NUTM1: variants seen among roughly 807,000 people sequenced by gnomAD.
NUTM1 encodes NUT family member 1.
Under a neutral mutation model 88.7 loss-of-function variants are expected in NUTM1, and 39 were observed. The ratio of observed to expected loss-of-function variants is 0.44; its 90% confidence interval spans 0.34 to 0.57. NUTM1 has a LOEUF of 0.57. Among genes scored for constraint, NUTM1 ranks in the 20% least tolerant of loss-of-function variants. The pLI is 0.01. For missense variants in NUTM1, 1,350 were observed against 1,414.5 expected (o/e 0.95, Z 0.73); for synonymous variants, 494 against 538.0 (o/e 0.92, Z 1.13).
Position 34,356,115 on chromosome 15 carries a change from G to A in NUTM1, c.2107G>A (p.Glu703Lys), listed in dbSNP as rs1429522873. 3.1e-5 allele frequency: 50 copies of A among 1,613,410 alleles called. No individual in the cohort carries two copies. Among genetic ancestry groups the A allele is most frequent in the Non-Finnish European group, 4.2e-5 (50 of 1,179,566 alleles). ...TCGTGGAGTGCTTCCTCAAGGGAAG[G>A]AGCCTTTAGCAGTGCCCTGGGAAGG... is the stretch of plus-strand genomic sequence containing the variant. ...GGRGVLPQGK[E>K]PLAVPWEGSS... Residue 703 changes from glutamate to lysine, a missense_variant, in exon 8 of 8, where the codon GAG becomes AAG. Transcript: ENST00000537011.
At chr15:34,351,872 T>TAAAA (rs11407280) in intron 4 of NUTM1, among the ~76,000 whole-genome samples, 3 of 138,356 alleles carry the variant, frequency 2.2e-5, no homozygotes, top group Non-Finnish European at 3.1e-5. Context: ...TATCTTTGAT[T>TAAAA]AAAAAAAAAA....
chr15:34,346,269 T>C (rs1175653178), intron 2 of NUTM1, among the ~76,000 whole-genome samples: 1 of 152,102 alleles, frequency 6.6e-6, no homozygotes, highest in Non-Finnish European at 1.5e-5. Flanking sequence ...AGAGAAAGGA[T>C]GGCAATTAGC....
Position 34,357,107 on chromosome 15 carries a change from A to G in NUTM1, c.3099A>G (p.Lys1033=), listed in dbSNP as rs776023483. The change falls in exon 8 of 8, where the codon AAA becomes AAG. Residue 1033 remains lysine (K), a synonymous_variant. Transcript: ENST00000537011. ...RSADRAKGKE[K]KKKEAEEEDE... ...CAGACAGGGCCAAAGGAAAGGAGAA[A>G]AAGAAAAAGGAAGCAGAGGAAGAGG... The G allele has an allele frequency of 1.2e-6, 2 of 1,614,144 alleles. No homozygotes were observed. The highest frequency in any genetic ancestry group is 1.7e-6 in the Non-Finnish European group (2 of 1,180,006).
chr15:34,351,523 C>T (rs963618868), intron 4 of NUTM1, among the ~76,000 whole-genome samples: 3 of 152,068 alleles, frequency 2.0e-5, no homozygotes, highest in Non-Finnish European at 2.9e-5. Context: ...TGAAAGCTCC[C>T]CCCTCACCAG....
In NUTM1 at chr15:34,357,610, G is replaced by A; in HGVS notation, c.*119G>A. ...CAATGTTGAATCTCATCCCAATGTT[G>A]TTTTGTTGTTCTGCAAAAGTGGCAA... On this transcript the variant is annotated 3_prime_UTR_variant, in exon 8 of 8. Transcript: ENST00000537011. 6.3e-7 allele frequency: 1 copy of A among 1,584,288 alleles called. No homozygotes were observed. Among genetic ancestry groups the A allele is most frequent in the Non-Finnish European group, 8.6e-7 (1 of 1,165,536 alleles).
rs1352165461 is a variant in NUTM1, at chr15:34,348,034, C to T, written c.166C>T (p.Leu56Phe). The T allele has an allele frequency of 1.9e-6, 3 of 1,613,970 alleles. No homozygotes were observed. Among genetic ancestry groups the T allele is most frequent in the Non-Finnish European group, 2.5e-6 (3 of 1,179,988 alleles). Residue 56 changes from leucine (L) to phenylalanine (F), a missense_variant, in exon 3 of 8, where the codon CTT (leucine) becomes TTT (phenylalanine). Leu to Phe is a conservative substitution (Grantham distance 22, BLOSUM62 0). Around this residue, in one of 5 missense-constraint regions of NUTM1, gnomAD observed 399 missense variants for 397.9 expected, o/e 1.00. Transcript: ENST00000537011. ...PSAAPSPSPA[L>F]PFLPPTSDPP... ...TGCCGCCCCGTCTCCATCCCCTGCACTTCCCTTTCTCCCACCAACTTCTGA... is the reference window on the plus strand; with the variant it reads ...TGCCGCCCCGTCTCCATCCCCTGCATTTCCCTTTCTCCCACCAACTTCTGA...
At position 34,348,500 on chromosome 15, in the gene NUTM1, A is replaced by G. The variant is rs750052087; in HGVS notation, c.632A>G (p.His211Arg). Residue 211 changes from histidine (H) to arginine (R), a missense_variant, in exon 3 of 8, where the codon CAT becomes CGT. Transcript: ENST00000537011. ...VPLEKAWPGP[H>R]GTTGEGGPVA... ...CTGGAAAAAGCTTGGCCAGGGCCAC[A>G]TGGGACAACCGGGGAAGGAGGTCCT... 2 of 1,614,206 alleles carry G rather than the reference A, an allele frequency of 1.2e-6. No individual in the cohort carries two copies. Among genetic ancestry groups the G allele is most frequent in the East Asian group, 4.5e-5 (2 of 44,884 alleles).
chr15:34,348,238 G>T lies in NUTM1; in HGVS notation c.370G>T (p.Gly124Trp), dbSNP rs202160501. Residue 124 changes from glycine (G) to tryptophan (W), a missense_variant, in exon 3 of 8, where the codon GGG becomes TGG. By Grantham distance (184) the Gly-to-Trp change is radical (BLOSUM62 -2). Around this residue, in one of 5 missense-constraint regions of NUTM1, gnomAD observed 399 missense variants for 397.9 expected, o/e 1.00. Transcript: ENST00000537011. Reference protein sequence around the residue: ...GKVIVKVKTEGGSAEPSQTQN... With the variant: ...GKVIVKVKTEWGSAEPSQTQN... ...GGTCATTGTCAAAGTCAAGACAGAA[G>T]GGGGGTCAGCTGAGCCCTCTCAAAC... 3.3e-5 allele frequency: 53 copies of T among 1,614,224 alleles called. No homozygotes were observed. In the South Asian group the frequency reaches 5.5e-4, roughly 17 times the overall value.
At position 34,357,656 on chromosome 15, in the gene NUTM1, C is replaced by T; in HGVS notation, c.*165C>T. ...GGCAAGCATGGAGAGAGAGGTCAGA[C>T]TGGCTAGGCTGCAGGGGGAATTACC... On this transcript the variant is annotated 3_prime_UTR_variant, in exon 8 of 8. Coordinates refer to ENST00000537011, the MANE Select transcript of NUTM1 (RefSeq NM_001284292.2). 7 of 1,261,824 alleles carry T rather than the reference C, an allele frequency of 5.5e-6. No individual in the cohort carries two copies. The South Asian group carries it at 8.4e-5, about 15-fold the overall frequency. The allele number at this position is 1,261,824 out of a possible 1,614,324, so 78.2% of individuals were successfully genotyped here.
chr15:34,356,195 T>C lies in NUTM1; in HGVS notation c.2187T>C (p.Tyr729=), dbSNP rs574832278. Residue 729 remains tyrosine (Y), a synonymous_variant, in exon 8 of 8, where the codon TAT becomes TAC. Transcript: ENST00000537011. The stretch of plus-strand genomic sequence containing the variant: ...GAGGTACCCCCATGGCTCAGAGTTA[T>C]GATCAGAATCCTTCCCCTAGAGCAG... ...DDRGTPMAQS[Y]DQNPSPRAAG... 5.3e-5 allele frequency: 85 copies of C among 1,608,616 alleles called. No homozygotes were observed. The highest frequency in any genetic ancestry group is 3.3e-4 in the Middle Eastern group (2 of 6,066).
chr15:34,354,508 CAG>C lies in NUTM1; in HGVS notation c.1142_1143del (p.Arg381ThrfsTer5). 1 of 1,614,194 alleles carries C rather than the reference CAG, an allele frequency of 6.2e-7. No homozygotes were observed. The highest frequency in any genetic ancestry group is 8.5e-7 in the Non-Finnish European group (1 of 1,180,028). On this transcript the variant is annotated frameshift_variant, in exon 6 of 8. Transcript: ENST00000537011. LOFTEE classifies it high-confidence loss of function. ...RAPRRRQRKA[Q>X]RPPAPEAPKE... The stretch of plus-strand genomic sequence containing the variant: ...CCCCCGCCGGCGTCAGCGTAAAGCC[CAG>C]AGACCTCCTGCTCCTGAGGCACCCA...
In NUTM1 at chr15:34,348,590, A is replaced by G; in HGVS notation, c.722A>G (p.Asn241Ser). Residue 241 changes from asparagine (N) to serine (S), a missense_variant, in exon 3 of 8, where the codon AAC becomes AGC. Asn to Ser is a conservative substitution (Grantham distance 46, BLOSUM62 1). Transcript: ENST00000537011. ...AAAATTTCCAAGGACGTTTATGAGA[A>G]CTTCCGTCAGTGGCAGCGTTACAAA... ...RSKISKDVYE[N>S]FRQWQRYKAL... The G allele has an allele frequency of 6.2e-7, 1 of 1,612,910 alleles. No homozygotes were observed.
Position 34,354,472 on chromosome 15 carries a change from A to C in NUTM1, c.1102A>C (p.Lys368Gln). ...PVYIPKKAAS[K>Q]TRAPRRRQRK... ...GTACATTCCGAAGAAGGCAGCCTCC[A>C]AGACACGGGCCCCCCGCCGGCGTCA... The change falls in exon 6 of 8, where the codon AAG becomes CAG. Residue 368 changes from lysine (K) to glutamine (Q), a missense_variant. This residue lies in a region of NUTM1 where 89 missense variants were observed against 76.0 expected (regional missense o/e 1.17). Coordinates refer to ENST00000537011, the MANE Select transcript of NUTM1 (RefSeq NM_001284292.2). 6.2e-7 allele frequency: 1 copy of C among 1,613,998 alleles called. No homozygotes were observed. Among genetic ancestry groups the C allele is most frequent in the Non-Finnish European group, 8.5e-7 (1 of 1,179,998 alleles).
intron 3 of NUTM1, 108 bp downstream of exon 3, chr15:34,348,785 G>T (rs1046565681): frequency 8.6e-6 from 6 of 695,526 alleles, no homozygotes; most frequent in South Asian, 3.6e-5. Context: ...GGAAGGTCAT[G>T]AGGGCAAGGG....
chr15:34,348,817 C>T, intron 3 of NUTM1, 140 bp downstream of exon 3: 1 of 618,386 alleles, frequency 1.6e-6, no homozygotes, highest in Non-Finnish European at 2.8e-6. Context: ...GAATGAAAAA[C>T]ATATTAATAA....
In NUTM1 at chr15:34,345,929, C is replaced by G; in HGVS notation, c.7-13C>G. ...TTCCCTTCCTTGGATCCCTGTGCAC[C>G]TACTGGAGCCAGGTTACTCTGGGTC... On this transcript the variant is annotated splice_polypyrimidine_tract_variant and intron_variant, in intron 1 of 7. Transcript: ENST00000537011. The G allele has an allele frequency of 6.2e-7, 1 of 1,613,816 alleles. No homozygotes were observed. The highest frequency in any genetic ancestry group is 1.1e-5 in the South Asian group (1 of 91,064).
chr15:34,344,030 G>A (rs1890535592), intron 1 of NUTM1, among the ~76,000 whole-genome samples: 1 of 151,416 alleles, frequency 6.6e-6, no homozygotes, highest in Non-Finnish European at 1.5e-5. Context: ...GACCAGCCTG[G>A]CCAATCTGGC....
At chr15:34,353,414 C>T (rs909983109) in intron 4 of NUTM1, among the ~76,000 whole-genome samples, 1 of 152,014 alleles carries the variant, frequency 6.6e-6, no homozygotes, top group African/African-American at 2.4e-5. Flanking sequence ...AGGTTGGTCT[C>T]AAACTCTTGG....
chr15:34,348,383 C>T lies in NUTM1; in HGVS notation c.515C>T (p.Pro172Leu), dbSNP rs1028584097. 6.2e-7 allele frequency: 1 copy of T among 1,614,124 alleles called. No homozygotes were observed. The highest frequency in any genetic ancestry group is 1.7e-5 in the Admixed American group (1 of 60,006). ...GCATCTAATGTGAAGACCATTCTGC[C>T]CTCTAAGGCTGTTGGTGTCAGCCAG... The part of the protein sequence containing the change: ...VTASNVKTIL[P>L]SKAVGVSQEG... Residue 172 changes from proline to leucine, a missense_variant, in exon 3 of 8, where the codon CCC (proline) becomes CTC (leucine). Physicochemically the swap from Pro to Leu is moderately conservative, Grantham distance 98. Around this residue, in one of 5 missense-constraint regions of NUTM1, gnomAD observed 399 missense variants for 397.9 expected, o/e 1.00. Coordinates refer to ENST00000537011, the MANE Select transcript of NUTM1 (RefSeq NM_001284292.2).
Sources: allele counts gnomAD v4.1 joint callset (sites outside exome capture counted in the v4.1 genomes callset), GRCh38; gene constraint gnomAD v4.1.1; regional missense constraint gnomAD v4.1.1; transcripts MANE v1.5; gene names NCBI Gene and HGNC (gene_info 2026-07-23, HGNC 2026-07-21).